The following AFDN variants were observed in gnomAD, a reference collection of about 807,000 sequenced individuals.
The protein encoded by AFDN is afadin, adherens junction formation factor, also known as afadin.
AFDN carries 68 observed loss-of-function variants against 216.6 expected under a neutral mutation model. The observed-to-expected ratio is 0.31, with a 90% CI of 0.26 to 0.38. The LOEUF (loss-of-function observed/expected upper bound fraction) is 0.38, where lower values mean the gene tolerates loss of function less well. Among genes scored for constraint, AFDN ranks in the 10% least tolerant of loss-of-function variants. The pLI is 1.00. For synonymous variants in AFDN, 868 were observed against 853.7 expected (o/e 1.02, Z -0.29); for missense variants, 2,136 against 2,342.0 (o/e 0.91, Z 1.82).
Position 167,970,040 on chromosome 6 carries a change from G to A in AFDN, c.*105G>A. On this transcript the variant is annotated 3_prime_UTR_variant, in exon 34 of 34. Transcript: ENST00000683244. ...AAGAGGAAGGGGGTTATATTTCTAA[G>A]TGATTTACAATTTCTGTTTCTAAAA... The A allele has an allele frequency of 5.8e-6, 5 of 867,248 alleles. No individual in the cohort carries two copies. The highest frequency in any genetic ancestry group is 6.7e-6 in the Non-Finnish European group (4 of 593,164). The allele number at this position is 867,248 out of a possible 1,614,324, so 53.7% of individuals were successfully genotyped here.
At chr6:167,915,075 C>G in intron 18 of AFDN, 93 bp from the exon 19 acceptor site, 1 of 1,332,452 alleles carries the variant, frequency 7.5e-7, no homozygotes, top group South Asian at 1.3e-5. Flanking sequence ...GCACTTACTA[C>G]CATAGGTACC....
chr6:167,918,608 CTGTG>C (rs143827994), intron 20 of AFDN, 123 bp from the exon 21 acceptor site: 74 of 791,786 alleles, frequency 9.3e-5, no homozygotes, highest in Non-Finnish European at 1.0e-4. Flanking sequence ...CTGCGTCTGT[CTGTG>C]TGTGTGTGTG....
At chr6:167,829,036 G>A (rs1479398595) in intron 1 of AFDN, among the ~76,000 whole-genome samples, 2 of 152,058 alleles carry the variant, frequency 1.3e-5, no homozygotes, top group Non-Finnish European at 2.9e-5. Flanking sequence ...GTAGGTGAAA[G>A]TTTGCTTTGT....
Position 167,971,692 on chromosome 6 carries a change from C to T in AFDN, c.*1757C>T, listed in dbSNP as rs530177844. ...AAATACACAGGAGAACATGCAGATA[C>T]ATGTAAATATCTACATACAGGGATA... On this transcript the variant is annotated 3_prime_UTR_variant, in exon 34 of 34. Coordinates refer to ENST00000683244, the MANE Select transcript of AFDN (RefSeq NM_001386888.1). 1 of 199,406 alleles carries T rather than the reference C, an allele frequency of 5.0e-6. No homozygotes were observed. The highest frequency in any genetic ancestry group is 1.0e-5 in the Non-Finnish European group (1 of 96,832). 12.4% of individuals were successfully genotyped at this position (199,406 alleles called of 1,614,324 possible).
At chr6:167,936,390 A>G (rs1345013128) in intron 23 of AFDN, among the ~76,000 whole-genome samples, 1 of 152,250 alleles carries the variant, frequency 6.6e-6, no homozygotes, top group Non-Finnish European at 1.5e-5. Context: ...TTGGAAAAGA[A>G]ATAGAATTAC....
intron 18 of AFDN, 44 bp from the exon 19 acceptor site, chr6:167,915,124 G>A (rs754787866): frequency 2.5e-6 from 4 of 1,600,778 alleles, no homozygotes; most frequent in South Asian, 1.1e-5. Flanking sequence ...GCTTCTTCCT[G>A]GATGACATTT....
chr6:167,886,808 G>A (rs1195115327), intron 6 of AFDN, among the ~76,000 whole-genome samples: 1 of 151,976 alleles, frequency 6.6e-6, no homozygotes, highest in Non-Finnish European at 1.5e-5. Context: ...CTCAGCTGTT[G>A]TGGTGTGAAC....
intron 1 of AFDN, 62 bp downstream of exon 1, chr6:167,827,299 C>G (rs1779210040): frequency 2.9e-6 from 2 of 696,316 alleles, no homozygotes; most frequent in South Asian, 6.2e-5. Flanking sequence ...CCCCGCCCCT[C>G]CCCCCCGCCG....
At chr6:167,925,615 T>C (rs1227490291) in intron 23 of AFDN, among the ~76,000 whole-genome samples, 6 of 152,318 alleles carry the variant, frequency 3.9e-5, no homozygotes, top group East Asian at 3.9e-4. Flanking sequence ...CTAGGCCTTA[T>C]ATAGTTCTGA....
intron 26 of AFDN, among the ~76,000 whole-genome samples, chr6:167,945,993 A>G (rs1008323279): frequency 6.6e-6 from 1 of 152,200 alleles, no homozygotes; most frequent in African/African-American, 2.4e-5. Context: ...GTTGGTACCT[A>G]ATAGTAACAA....
intron 23 of AFDN, among the ~76,000 whole-genome samples, chr6:167,939,774 G>A (rs947249015): frequency 6.6e-6 from 1 of 152,162 alleles, no homozygotes. Flanking sequence ...AACAAATAGG[G>A]GCGGTGAGGA....
chr6:167,962,649 G>T lies in AFDN; in HGVS notation c.4968+82G>T, dbSNP rs1414585457. The T allele has an allele frequency of 4.4e-6, 7 of 1,597,048 alleles. No individual in the cohort carries two copies. The highest frequency in any genetic ancestry group is 1.7e-5 in the Admixed American group (1 of 59,284). ...TTGGCTGGGGCAGAGCGGGCTGGAA[G>T]TTCTGTGTTTCTTAAGAAGCACGAG... On this transcript the variant is annotated intron_variant, in intron 31 of 33. Coordinates refer to ENST00000683244, the MANE Select transcript of AFDN (RefSeq NM_001386888.1). This position sits in a 1 kb window ranked among gnomAD's most constrained non-coding sequence, Gnocchi z 5.2.
chr6:167,911,515 T>C, intron 15 of AFDN, 26 bp downstream of exon 15: 1 of 1,605,870 alleles, frequency 6.2e-7, no homozygotes, highest in Non-Finnish European at 8.5e-7. Flanking sequence ...CCAGCCATGC[T>C]CCTCCAGTGA....
intron 25 of AFDN, 27 bp from the exon 26 acceptor site, chr6:167,943,914 C>T: frequency 6.3e-7 from 1 of 1,599,842 alleles, no homozygotes; most frequent in Non-Finnish European, 8.6e-7. Flanking sequence ...TTTAGTCTTT[C>T]TTACATGTGT....
intron 7 of AFDN, among the ~76,000 whole-genome samples, chr6:167,890,206 T>A (rs1400704188): frequency 6.6e-6 from 1 of 152,196 alleles, no homozygotes; most frequent in Non-Finnish European, 1.5e-5. Context: ...AAAATCTTTC[T>A]CAGCAAGCAA....
At chr6:167,899,932 C>T (rs912047948) in intron 11 of AFDN, among the ~76,000 whole-genome samples, 6 of 152,160 alleles carry the variant, frequency 3.9e-5, no homozygotes, top group East Asian at 3.9e-4. Flanking sequence ...GTCTGCCCTT[C>T]GGTTTTGCTT....
intron 13 of AFDN, among the ~76,000 whole-genome samples, chr6:167,908,394 T>G (rs1354417502): frequency 6.6e-6 from 1 of 152,234 alleles, no homozygotes; most frequent in Non-Finnish European, 1.5e-5. Context: ...TGCAAGATTT[T>G]TATTGGCTAT....
chr6:167,848,059 A>G (rs1433351940), intron 1 of AFDN, among the ~76,000 whole-genome samples: 1 of 152,184 alleles, frequency 6.6e-6, no homozygotes, highest in Non-Finnish European at 1.5e-5. Flanking sequence ...GCTTTGCTCA[A>G]GTATCCTAGA....
At chr6:167,967,846 CTGTT>C (rs1797712560) in intron 32 of AFDN, among the ~76,000 whole-genome samples, 1 of 152,202 alleles carries the variant, frequency 6.6e-6, no homozygotes, top group Non-Finnish European at 1.5e-5. Flanking sequence ...TTGCTCAGCT[CTGTT>C]TGTGTCGCGA....
Sources: gnomAD v4.1 joint callset for allele counts (sites outside exome capture counted in the v4.1 genomes callset) on GRCh38, gnomAD v4.1.1 for gene constraint, Gnocchi (gnomAD v3.1) non-coding constraint, MANE v1.5 for transcripts, NCBI Gene and HGNC (gene_info 2026-07-23, HGNC 2026-07-21) for gene names.